The following BEST3 variants were observed in gnomAD, a reference collection of about 807,000 sequenced individuals.
BEST3 encodes bestrophin 3.
Under a neutral mutation model 47.1 loss-of-function variants are expected in BEST3, and 50 were observed. The ratio of observed to expected loss-of-function variants is 1.06; its 90% CI spans 0.85 to 1.34. BEST3 has a LOEUF of 1.34. Ranked by LOEUF, BEST3 falls within the 40% of genes most tolerant of loss-of-function variation. The pLI is 0.00. For missense variants in BEST3, 765 were observed against 817.0 expected, an observed-to-expected ratio of 0.94 and a Z score of 0.78; for synonymous variants, 282 against 298.8, an observed-to-expected ratio of 0.94 and a Z score of 0.58.
intron 5 of BEST3, 137 bp from the exon 6 acceptor site, chr12:69,677,394 A>G (rs906835323): frequency 2.7e-6 from 2 of 751,606 alleles, no homozygotes; most frequent in African/African-American, 1.8e-5. Flanking sequence ...AGGATACTCC[A>G]AAAGGAAAGT....
At chr12:69,678,533 C>T (rs1228543030) in intron 5 of BEST3, among the ~76,000 whole-genome samples, 1 of 152,138 alleles carries the variant, frequency 6.6e-6, no homozygotes, top group Non-Finnish European at 1.5e-5. Flanking sequence ...AACGCAGCTT[C>T]CAAGGAACCA....
At position 69,654,031 on chromosome 12, in the gene BEST3, A is replaced by G; in HGVS notation, c.*876T>C. The G allele has an allele frequency of 2.0e-6, 2 of 985,442 alleles. No homozygotes were observed. Among genetic ancestry groups the G allele is most frequent in the Non-Finnish European group, 2.4e-6 (2 of 829,940 alleles). 61.0% of individuals were successfully genotyped at this position (985,442 alleles called of 1,614,324 possible). A position where few individuals can be genotyped will look rare whatever the true frequency, so the allele number is the denominator to read the frequency against. On this transcript the variant is annotated 3_prime_UTR_variant, in exon 10 of 10. Transcript: ENST00000330891. ...AGCAGAAAGAAATGTCAATGGCTGCAAGGGCACGGGGGGAACCATCACTCC... is the reference window on the plus strand; with the variant it reads ...AGCAGAAAGAAATGTCAATGGCTGCGAGGGCACGGGGGGAACCATCACTCC...
In BEST3 at chr12:69,678,816, A is replaced by G. The variant is rs758403081; in HGVS notation, c.559T>C (p.Trp187Arg). ...PHLKYWVPFIWFGNLATKARN... is the reference protein window; with the variant it reads ...PHLKYWVPFIRFGNLATKARN... ...GCTTTAGTTGCAAGATTTCCAAACC[A>G]GATGAATGGAACCCAATATTTCAGA... The change falls in exon 5 of 10, where the codon TGG becomes CGG. Residue 187 changes from tryptophan (W) to arginine (R), a missense_variant. Physicochemically the swap from Trp to Arg is moderately radical, Grantham distance 101. Coordinates refer to ENST00000330891, the MANE Select transcript of BEST3 (RefSeq NM_032735.3). The G allele has an allele frequency of 7.6e-5, 123 of 1,613,968 alleles. No individual in the cohort carries two copies. The highest frequency in any genetic ancestry group is 9.1e-5 in the Non-Finnish European group (107 of 1,179,832).
rs114329375 is a variant in BEST3, at chr12:69,676,279, G to A, written c.867+637C>T. Among the ~76,000 whole-genome samples the A allele has an allele frequency of 4.3e-3, 648 of 152,220 alleles. 3 individuals carry two copies. Among genetic ancestry groups the A allele is most frequent in the African/African-American group, 0.015 (613 of 41,528 alleles). Reference sequence around the variant, plus strand: ...AAAATGGGGTACATTTAGACCAGGCGCGGTGGCTCACGCCTGTAATCCTCG... The same window carrying A: ...AAAATGGGGTACATTTAGACCAGGCACGGTGGCTCACGCCTGTAATCCTCG... On this transcript the variant is annotated intron_variant, in intron 7 of 9. Coordinates refer to ENST00000330891, the MANE Select transcript of BEST3 (RefSeq NM_032735.3).
At chr12:69,685,866 A>T (rs1592367373) in intron 4 of BEST3, among the ~76,000 whole-genome samples, 1 of 152,132 alleles carries the variant, frequency 6.6e-6, no homozygotes, top group Non-Finnish European at 1.5e-5. Flanking sequence ...TGTGGGGGGA[A>T]CCTTCAAACA....
At chr12:69,694,300 T>C in intron 3 of BEST3, 70 bp downstream of exon 3, 1 of 947,104 alleles carries the variant, frequency 1.1e-6, no homozygotes, top group South Asian at 1.7e-5. Flanking sequence ...AACACTCCCA[T>C]GCAGAGTCAT....
Position 69,654,775 on chromosome 12 carries a change from C to T in BEST3, c.*132G>A. The T allele has an allele frequency of 7.1e-7, 1 of 1,405,574 alleles. No homozygotes were observed. The highest frequency in any genetic ancestry group is 9.3e-7 in the Non-Finnish European group (1 of 1,076,832). The allele number at this position is 1,405,574 out of a possible 1,614,324, so 87.1% of individuals were successfully genotyped here. On this transcript the variant is annotated 3_prime_UTR_variant, in exon 10 of 10. Transcript: ENST00000330891. ...CAGGATCATAATGCCCTTCAAAGTT[C>T]TAAGTAGCTTATACAGTGTGATCAT...
intron 7 of BEST3, among the ~76,000 whole-genome samples, chr12:69,673,797 T>C (rs1420527454): frequency 6.9e-6 from 1 of 144,464 alleles, no homozygotes; most frequent in Non-Finnish European, 1.5e-5. Flanking sequence ...AGAGAGCTAG[T>C]AAGTCCTAAA....
chr12:69,694,531 A>G, intron 2 of BEST3, 67 bp from the exon 3 acceptor site: 1 of 733,020 alleles, frequency 1.4e-6, no homozygotes, highest in Non-Finnish European at 2.1e-6. Context: ...TGCAAGTGAC[A>G]TTAAGTGCAA....
chr12:69,650,743 G>C (rs1218137210), downstream of BEST3, among the ~76,000 whole-genome samples: 1 of 152,184 alleles, frequency 6.6e-6, no homozygotes. Context: ...TTTTGATTGA[G>C]GGGATGGAGA....
At chr12:69,687,937 T>A (rs1885728636) in intron 4 of BEST3, among the ~76,000 whole-genome samples, 1 of 152,176 alleles carries the variant, frequency 6.6e-6, no homozygotes, top group African/African-American at 2.4e-5. Flanking sequence ...ATAAGGGTAG[T>A]CCCAGTGCCC....
intron 9 of BEST3, among the ~76,000 whole-genome samples, chr12:69,656,364 A>AGTCT (rs1555202900): frequency 1.1e-5 from 1 of 93,452 alleles, no homozygotes; most frequent in Non-Finnish European, 2.3e-5. Context: ...TATATCTATG[A>AGTCT]ATCTATCTGT....
intron 9 of BEST3, among the ~76,000 whole-genome samples, chr12:69,658,191 G>GT (rs937817331): frequency 1.3e-4 from 20 of 152,198 alleles, no homozygotes; most frequent in Non-Finnish European, 2.2e-4. Context: ...TTTAGGATTT[G>GT]TTTTTTTAAA....
intron 9 of BEST3, among the ~76,000 whole-genome samples, chr12:69,645,052 A>G (rs934670366): frequency 1.8e-4 from 27 of 152,166 alleles, no homozygotes; most frequent in Non-Finnish European, 3.2e-4. Flanking sequence ...GAATTGAAGA[A>G]CCTATGGGGG....
At chr12:69,694,018 T>C (rs993712374) in intron 3 of BEST3, 111 bp from the exon 4 acceptor site, 3 of 779,404 alleles carry the variant, frequency 3.8e-6, no homozygotes, top group Admixed American at 2.8e-5. Flanking sequence ...CAAAAATATA[T>C]TATTATCCAT....
At chr12:69,697,531 C>G in intron 2 of BEST3, 116 bp downstream of exon 2, 1 of 774,290 alleles carries the variant, frequency 1.3e-6, no homozygotes, top group Non-Finnish European at 2.0e-6. Context: ...GAGAGGCTCA[C>G]GCAAAAAAGG....
At chr12:69,667,584 C>T (rs1302998126) in intron 9 of BEST3, among the ~76,000 whole-genome samples, 1 of 152,206 alleles carries the variant, frequency 6.6e-6, no homozygotes, top group Non-Finnish European at 1.5e-5. Context: ...GCATGAGCCA[C>T]CATGCCCGCC....
chr12:69,688,950 GTTTGAGAACATGTACTTTTTC>G (rs1885795809), intron 4 of BEST3: 6 of 340,994 alleles, frequency 1.8e-5, no homozygotes, highest in South Asian at 2.3e-4. Context: ...GCACCCTGAA[GTTTGAGAACATGTACTTTTTC>G]TTACAGGTGA....
At chr12:69,651,904 C>G (rs569110610), downstream of BEST3, among the ~76,000 whole-genome samples, 55 of 152,152 alleles carry the variant, frequency 3.6e-4, no homozygotes, top group Non-Finnish European at 6.3e-4. Flanking sequence ...TCTTTACTTT[C>G]ATGGCAAATT....
Sources: gnomAD v4.1 joint callset for allele counts (sites outside exome capture counted in the v4.1 genomes callset) on GRCh38, gnomAD v4.1.1 for gene constraint, MANE v1.5 for transcripts, NCBI Gene and HGNC (gene_info 2026-07-23, HGNC 2026-07-21) for gene names.